Variants in MMP2 observed in about 807,000 individuals in gnomAD.
MMP2 encodes matrix metallopeptidase 2.
In MMP2, 39 loss-of-function variants were observed where a neutral mutation model predicts 74.8. That is an observed-to-expected ratio of 0.52 (90% CI 0.40 to 0.68). The LOEUF (loss-of-function observed/expected upper bound fraction) is 0.68, where lower values mean the gene tolerates loss of function less well. Ranked by LOEUF, MMP2 falls within the 30% of genes least tolerant of loss-of-function variation. MMP2 has a pLI of 0.00. For missense variants in MMP2, 803 were observed against 878.3 expected (o/e 0.91, Z 1.08); for synonymous variants, 367 against 339.8 (o/e 1.08, Z -0.88).
intron 6 of MMP2, 51 bp downstream of exon 6, chr16:55,488,767 C>CA (rs3214373): frequency 0.05 from 65,760 of 1,325,514 alleles, 1,254 homozygotes; most frequent in East Asian, 0.19. Context: ...TGCTGTCTGA[C>CA]AAAAAAAAAA....
intron 11 of MMP2, among the ~76,000 whole-genome samples, chr16:55,501,476 G>A (rs1364687973): frequency 2.0e-5 from 3 of 152,236 alleles, no homozygotes; most frequent in Non-Finnish European, 4.4e-5. Flanking sequence ...CTATCCTAAC[G>A]CTAGGGAATG....
In MMP2 at chr16:55,488,566, G is replaced by T; in HGVS notation, c.856G>T (p.Ala286Ser). ...AGCCCTGTTCACCATGGGCGGCAAC[G>T]CTGAAGGACAGCCCTGCAAGTTTCC... ...HEALFTMGGN[A>S]EGQPCKFPFR... is the part of the protein sequence containing the mutation. The change falls in exon 6 of 13, where the codon GCT (alanine) becomes TCT (serine). Residue 286 changes from alanine (A) to serine (S), a missense_variant. By Grantham distance (99) the Ala-to-Ser change is moderately conservative. Coordinates refer to ENST00000219070, the MANE Select transcript of MMP2 (RefSeq NM_004530.6). 1 of 1,613,908 alleles carries T rather than the reference G, an allele frequency of 6.2e-7. No individual in the cohort carries two copies. Among genetic ancestry groups the T allele is most frequent in the Non-Finnish European group, 8.5e-7 (1 of 1,179,954 alleles).
intron 9 of MMP2, among the ~76,000 whole-genome samples, chr16:55,495,679 C>A (rs1359905323): frequency 1.3e-5 from 2 of 152,194 alleles, no homozygotes; most frequent in African/African-American, 4.8e-5. Context: ...ATAACAGAGA[C>A]CATCCCTCTG....
intron 1 of MMP2, 38 bp from the exon 2 acceptor site, chr16:55,482,871 A>T (rs1444112515): frequency 1.9e-6 from 3 of 1,563,776 alleles, no homozygotes; most frequent in African/African-American, 2.7e-5. Context: ...TGCCATCCTA[A>T]TGTGGCTAAT....
At chr16:55,480,209 G>A (rs978134399) in intron 1 of MMP2, among the ~76,000 whole-genome samples, 1 of 152,112 alleles carries the variant, frequency 6.6e-6, no homozygotes, top group Non-Finnish European at 1.5e-5. Context: ...AGGAACCTTC[G>A]GCACAGATCC....
chr16:55,502,747 C>T lies in MMP2; in HGVS notation c.1770-32C>T, dbSNP rs192007978. On this transcript the variant is annotated intron_variant, in intron 11 of 12. Transcript: ENST00000219070. Reference sequence around the variant, plus strand: ...GGGGGGAAGTGTCCTTTAGAGAGGCCCTGCTGGTTCACTGTGTCTGTTTCT... The same window carrying T: ...GGGGGGAAGTGTCCTTTAGAGAGGCTCTGCTGGTTCACTGTGTCTGTTTCT... The T allele has an allele frequency of 5.7e-5, 90 of 1,586,010 alleles. No homozygotes were observed. In the African/African-American group the frequency reaches 1.0e-3, roughly 18 times the overall value.
intron 9 of MMP2, among the ~76,000 whole-genome samples, chr16:55,496,154 C>G (rs1282966082): frequency 1.3e-5 from 2 of 152,074 alleles, no homozygotes; most frequent in Non-Finnish European, 2.9e-5. Flanking sequence ...AGATTCTTAT[C>G]TGTAGATCTC....
At chr16:55,481,688 T>G in intron 1 of MMP2, 2 of 568,046 alleles carry the variant, frequency 3.5e-6, no homozygotes, top group Non-Finnish European at 3.2e-6. Context: ...CCAGAGGCAA[T>G]GCAGTGGGGG....
At chr16:55,488,777 A>T in intron 6 of MMP2, 61 bp downstream of exon 6, 1 of 1,511,224 alleles carries the variant, frequency 6.6e-7, no homozygotes, top group African/African-American at 1.4e-5. Flanking sequence ...CAAAAAAAAA[A>T]CCCATAAGAC....
chr16:55,502,303 G>A lies in MMP2; in HGVS notation c.1770-476G>A, dbSNP rs143775665. On this transcript the variant is annotated intron_variant, in intron 11 of 12. Coordinates refer to ENST00000219070, the MANE Select transcript of MMP2 (RefSeq NM_004530.6). ...CTGGGCTTCTAGTTTAGCACTCCTCGGATTACAGCAGGGATTTGTTTGTAA... is the reference window on the plus strand; with the variant it reads ...CTGGGCTTCTAGTTTAGCACTCCTCAGATTACAGCAGGGATTTGTTTGTAA... Among the ~76,000 whole-genome samples the A allele has an allele frequency of 5.3e-3, 808 of 152,242 alleles. 2 individuals are homozygous for A. Among genetic ancestry groups the A allele is most frequent in the African/African-American group, 0.017 (711 of 41,536 alleles).
intron 1 of MMP2, 111 bp from the exon 2 acceptor site, chr16:55,482,798 C>T (rs112263489): frequency 8.6e-6 from 8 of 935,362 alleles, no homozygotes; most frequent in Non-Finnish European, 1.4e-5. Flanking sequence ...TGGCTTATTT[C>T]CTGTCTGGAC....
intron 12 of MMP2, among the ~76,000 whole-genome samples, chr16:55,503,941 G>A (rs532125102): frequency 2.6e-5 from 4 of 152,260 alleles, no homozygotes; most frequent in East Asian, 3.9e-4. Flanking sequence ...CTGCTTGAGC[G>A]CAGGAGTTTG....
intron 3 of MMP2, among the ~76,000 whole-genome samples, chr16:55,484,947 A>T (rs1326486357): frequency 6.6e-6 from 1 of 152,126 alleles, no homozygotes; most frequent in African/African-American, 2.4e-5. Flanking sequence ...TATTGACAGG[A>T]TGGAGGATGG....
At chr16:55,494,312 C>A (rs1343184594) in intron 9 of MMP2, among the ~76,000 whole-genome samples, 1 of 152,204 alleles carries the variant, frequency 6.6e-6, no homozygotes, top group Non-Finnish European at 1.5e-5. Context: ...TAAAATGGGG[C>A]TAATATTCCA....
chr16:55,495,048 G>T (rs1391532683), intron 9 of MMP2, among the ~76,000 whole-genome samples: 2 of 152,214 alleles, frequency 1.3e-5, no homozygotes, highest in Non-Finnish European at 2.9e-5. Flanking sequence ...CCAAATTCTG[G>T]GGTGCAGATG....
chr16:55,490,292 C>T (rs571753818), intron 7 of MMP2, among the ~76,000 whole-genome samples: 2 of 152,310 alleles, frequency 1.3e-5, no homozygotes, highest in Admixed American at 6.5e-5. Context: ...GGAAGAGCCT[C>T]ATGCTTGATC....
intron 11 of MMP2, among the ~76,000 whole-genome samples, chr16:55,501,046 T>C (rs1233608304): frequency 3.9e-5 from 6 of 152,248 alleles, no homozygotes; most frequent in Admixed American, 6.5e-5. Flanking sequence ...GGGAAAATTA[T>C]GTAAACACAT....
At chr16:55,503,383 A>C (rs2070075298) in intron 12 of MMP2, among the ~76,000 whole-genome samples, 1 of 152,182 alleles carries the variant, frequency 6.6e-6, no homozygotes, top group Admixed American at 6.5e-5. Context: ...AGTAGCAGCG[A>C]GGGATAGAAT....
chr16:55,488,847 T>A, intron 6 of MMP2, 131 bp downstream of exon 6: 1 of 956,430 alleles, frequency 1.0e-6, no homozygotes, highest in South Asian at 1.4e-5. Context: ...GCGAATGACA[T>A]CCACACCAAG....
Sources: gnomAD v4.1 joint callset for allele counts (sites outside exome capture counted in the v4.1 genomes callset) on GRCh38, gnomAD v4.1.1 for gene constraint, MANE v1.5 for transcripts, NCBI Gene and HGNC (gene_info 2026-07-23, HGNC 2026-07-21) for gene names.